NOS1: variants seen among roughly 807,000 people sequenced by gnomAD.
The protein encoded by NOS1 is NOS type I.
In NOS1, 51 loss-of-function variants were observed where a neutral mutation model predicts 164.5. That is an observed-to-expected ratio of 0.31 (90% confidence interval 0.25 to 0.39). The LOEUF (loss-of-function observed/expected upper bound fraction) is 0.39, where lower values mean the gene tolerates loss of function less well. Ranked by LOEUF, NOS1 falls within the 10% of genes least tolerant of loss-of-function variation. The pLI is 1.00. For synonymous variants in NOS1, 719 were observed against 745.8 expected, an observed-to-expected ratio of 0.96 and a Z score of 0.59; for missense variants, 1,362 against 1,885.6, an observed-to-expected ratio of 0.72 and a Z score of 5.14.
At chr12:117,300,690 G>A (rs890334612) in intron 3 of NOS1, among the ~76,000 whole-genome samples, 2 of 152,158 alleles carry the variant, frequency 1.3e-5, no homozygotes, top group African/African-American at 4.8e-5. Flanking sequence ...CACTGAAGAT[G>A]CCTTTGGGAA....
rs76565966 is a variant in NOS1, at chr12:117,306,114, T to A, written c.852+5352A>T. Among the ~76,000 whole-genome samples the A allele has an allele frequency of 3.1e-3, 472 of 152,074 alleles. 4 individuals are homozygous for A. The highest frequency in any genetic ancestry group is 0.011 in the African/African-American group (456 of 41,494). Reference sequence around the variant, plus strand: ...GCCTGGCCCGTGGTTTTAAATCTTTTTGGGTCAAATCCTACATTAAGGATT... The same window carrying A: ...GCCTGGCCCGTGGTTTTAAATCTTTATGGGTCAAATCCTACATTAAGGATT... On this transcript the variant is annotated intron_variant, in intron 3 of 28. Transcript: ENST00000317775.
At chr12:117,307,473 G>A (rs188864496) in intron 3 of NOS1, among the ~76,000 whole-genome samples, 337 of 152,172 alleles carry the variant, frequency 2.2e-3, no homozygotes, top group African/African-American at 7.5e-3. Flanking sequence ...CGATACTCCC[G>A]CCTCAACCTC....
chr12:117,281,679 C>A (rs1393078378), intron 7 of NOS1, among the ~76,000 whole-genome samples: 2 of 150,976 alleles, frequency 1.3e-5, no homozygotes, highest in Non-Finnish European at 3.0e-5. Context: ...ACTAAAAATA[C>A]AAAAATTAGC....
intron 20 of NOS1, among the ~76,000 whole-genome samples, chr12:117,240,947 T>C (rs551909718): frequency 2.7e-4 from 41 of 151,390 alleles, no homozygotes; most frequent in African/African-American, 8.5e-4. Flanking sequence ...TTTTCTTTTT[T>C]TTTTTTTTTT....
chr12:117,215,583 C>A (rs950928043), intron 28 of NOS1, among the ~76,000 whole-genome samples: 7 of 152,096 alleles, frequency 4.6e-5, no homozygotes, highest in Non-Finnish European at 8.8e-5. Flanking sequence ...CAGGTGCCTG[C>A]CACCACGCCC....
chr12:117,261,832 C>T (rs1871930822), intron 13 of NOS1, among the ~76,000 whole-genome samples: 2 of 152,082 alleles, frequency 1.3e-5, no homozygotes, highest in African/African-American at 4.8e-5. Context: ...AAGATGCTGC[C>T]ACTGAGACCC....
intron 1 of NOS1, among the ~76,000 whole-genome samples, chr12:117,335,729 TGAGAGAGAGAGAGAGAGAGA>T (rs60613906): frequency 6.2e-5 from 7 of 112,598 alleles, no homozygotes; most frequent in African/African-American, 2.5e-4. Flanking sequence ...ACAGACTATA[TGAGAGAGAGAGAGAGAGAGA>T]GAGAGAGAGA....
intron 1 of NOS1, among the ~76,000 whole-genome samples, chr12:117,333,033 C>T (rs1339190125): frequency 1.3e-5 from 2 of 152,102 alleles, no homozygotes; most frequent in Non-Finnish European, 2.9e-5. Context: ...ATGCTGTGGC[C>T]CAGGTGAGGG....
chr12:117,222,909 T>A, intron 25 of NOS1, 46 bp from the exon 26 acceptor site: 1 of 1,592,126 alleles, frequency 6.3e-7, no homozygotes, highest in South Asian at 1.1e-5. Flanking sequence ...CTCTGCCTGA[T>A]GTGCAGGGTG....
intron 1 of NOS1, among the ~76,000 whole-genome samples, chr12:117,358,208 G>T (rs902791401): frequency 1.3e-5 from 2 of 152,226 alleles, no homozygotes; most frequent in Admixed American, 1.3e-4. Flanking sequence ...CCTGCCTCCT[G>T]GGAAATCAGC....
Position 117,208,344 on chromosome 12 carries a change from C to A in NOS1, c.*6965G>T. Reference sequence around the variant, plus strand: ...CACAGGGACACTTGGCAGAGATTAGCAGCATTGAGAGCTCAGAGGTAGGGG... The same window carrying A: ...CACAGGGACACTTGGCAGAGATTAGAAGCATTGAGAGCTCAGAGGTAGGGG... On this transcript the variant is annotated 3_prime_UTR_variant, in exon 29 of 29. Transcript: ENST00000317775. The A allele has an allele frequency of 3.9e-6, 5 of 1,286,144 alleles. No homozygotes were observed. The highest frequency in any genetic ancestry group is 3.0e-6 in the Non-Finnish European group (3 of 988,358). The allele number at this position is 1,286,144 out of a possible 1,614,324, so 79.7% of individuals were successfully genotyped here.
At chr12:117,253,462 C>T (rs995888869) in intron 17 of NOS1, among the ~76,000 whole-genome samples, 176 bp downstream of exon 17, 4 of 151,922 alleles carry the variant, frequency 2.6e-5, no homozygotes, top group African/African-American at 9.7e-5. Flanking sequence ...CACGGGGAGA[C>T]CAGGCAATGT....
At chr12:117,298,299 C>A (rs9658313) in intron 3 of NOS1, among the ~76,000 whole-genome samples, 2,811 of 152,076 alleles carry the variant, frequency 0.018, 70 homozygotes, top group Admixed American at 0.072. Flanking sequence ...GAATCTAAGG[C>A]CACCACTGAT....
At chr12:117,359,316 T>C (rs1038886560) in intron 1 of NOS1, among the ~76,000 whole-genome samples, 2 of 152,244 alleles carry the variant, frequency 1.3e-5, no homozygotes, top group African/African-American at 4.8e-5. Flanking sequence ...CCCTGCGCAC[T>C]TGGGGAGCTG....
chr12:117,233,855 T>C lies in NOS1; in HGVS notation c.3235+710A>G, dbSNP rs563662145. Among the ~76,000 whole-genome samples the C allele has an allele frequency of 5.3e-5, 8 of 150,134 alleles. No individual in the cohort carries two copies. The East Asian group carries it at 1.6e-3, about 29-fold the overall frequency. ...AAGAGGGTATGTCTCTCTAAAGTAG[T>C]GCCTTCCTGAGAGGTTTTCAGCAGG... On this transcript the variant is annotated intron_variant, in intron 21 of 28. Coordinates refer to ENST00000317775, the MANE Select transcript of NOS1 (RefSeq NM_000620.5).
At chr12:117,349,705 A>C (rs939585668) in intron 1 of NOS1, among the ~76,000 whole-genome samples, 3 of 152,166 alleles carry the variant, frequency 2.0e-5, no homozygotes, top group Non-Finnish European at 4.4e-5. Context: ...TAGCAAGTAC[A>C]TGAAGAACAT....
chr12:117,237,572 T>A (rs1361425221), intron 20 of NOS1, among the ~76,000 whole-genome samples: 1 of 152,098 alleles, frequency 6.6e-6, no homozygotes, highest in East Asian at 1.9e-4. Context: ...GTGTGACTTA[T>A]GTCTAGCCAC....
intron 3 of NOS1, among the ~76,000 whole-genome samples, chr12:117,298,991 C>T (rs1025713988): frequency 6.6e-6 from 1 of 152,234 alleles, no homozygotes; most frequent in African/African-American, 2.4e-5. Flanking sequence ...CCCTGTTTGG[C>T]TTGTCCTGAA....
chr12:117,353,754 G>C (rs921570901), intron 1 of NOS1, among the ~76,000 whole-genome samples: 9 of 151,270 alleles, frequency 5.9e-5, no homozygotes, highest in Non-Finnish European at 1.3e-4. Context: ...ACCAGATAGG[G>C]AATCCTGATC....
Sources: allele counts gnomAD v4.1 joint callset (sites outside exome capture counted in the v4.1 genomes callset), GRCh38; gene constraint gnomAD v4.1.1; transcripts MANE v1.5; gene names NCBI Gene and HGNC (gene_info 2026-07-23, HGNC 2026-07-21).